Variants in MAF observed in about 807,000 individuals in gnomAD.
MAF encodes the protein transcription factor Maf.
In MAF, 10 loss-of-function variants were observed where a neutral mutation model predicts 22.0. That is an observed-to-expected ratio of 0.45 (90% confidence interval 0.28 to 0.77). The LOEUF (loss-of-function observed/expected upper bound fraction) is 0.77, where lower values mean the gene tolerates loss of function less well. Among genes scored for constraint, MAF ranks in the 30% least tolerant of loss-of-function variants. MAF has a pLI of 0.12. For synonymous variants in MAF, 337 were observed against 255.8 expected, an observed-to-expected ratio of 1.32 and a Z score of -3.03; for missense variants, 544 against 548.4, an observed-to-expected ratio of 0.99 and a Z score of 0.08.
the MAF span, among the ~76,000 whole-genome samples, chr16:79,290,571 A>G: frequency 2.0e-5 from 3 of 150,956 alleles, no homozygotes; most frequent in Non-Finnish European, 4.4e-5. Context: ...GTGTGTGTAC[A>G]TTATCTAATC....
chr16:79,286,155 T>C, the MAF span, among the ~76,000 whole-genome samples: 2 of 152,260 alleles, frequency 1.3e-5, no homozygotes, highest in African/African-American at 4.8e-5. Flanking sequence ...AGTAGCTAGC[T>C]GGTTTTTCTT....
chr16:79,553,220 G>A, the MAF span, among the ~76,000 whole-genome samples: 2 of 152,236 alleles, frequency 1.3e-5, no homozygotes, highest in African/African-American at 4.8e-5. Flanking sequence ...TTTTGAGAAT[G>A]GCAGCCGTTC....
At chr16:79,470,898 G>A in the MAF span, among the ~76,000 whole-genome samples, 1 of 152,206 alleles carries the variant, frequency 6.6e-6, no homozygotes, top group Non-Finnish European at 1.5e-5. Flanking sequence ...AGAACCTGAT[G>A]CAGTGAGAGG....
At chr16:79,276,057 C>T in the MAF span, among the ~76,000 whole-genome samples, 1 of 152,048 alleles carries the variant, frequency 6.6e-6, no homozygotes, top group East Asian at 1.9e-4. Context: ...AGGAGAATCT[C>T]TTGAACCTGG....
the MAF span, among the ~76,000 whole-genome samples, chr16:79,398,503 T>G: frequency 6.6e-6 from 1 of 152,120 alleles, no homozygotes; most frequent in African/African-American, 2.4e-5. Flanking sequence ...AATGAGAAGA[T>G]GGAGGGAGAT....
chr16:79,437,659 C>T, the MAF span, among the ~76,000 whole-genome samples: 4 of 152,036 alleles, frequency 2.6e-5, no homozygotes, highest in East Asian at 1.9e-4. Context: ...CCAGCTTCAC[C>T]GTGGAGGGGA....
the MAF span, among the ~76,000 whole-genome samples, chr16:79,254,680 GATT>G: frequency 6.6e-6 from 1 of 151,976 alleles, no homozygotes; most frequent in African/African-American, 2.4e-5. Flanking sequence ...TCGGTTCCTG[GATT>G]ATTCTCCCAG....
At chr16:79,394,868 T>A in the MAF span, among the ~76,000 whole-genome samples, 1 of 152,128 alleles carries the variant, frequency 6.6e-6, no homozygotes, top group Non-Finnish European at 1.5e-5. Flanking sequence ...ACACACATTA[T>A]AAGTGTACCA....
the MAF span, among the ~76,000 whole-genome samples, chr16:79,364,571 C>G: frequency 6.6e-6 from 1 of 152,172 alleles, no homozygotes; most frequent in East Asian, 1.9e-4. Flanking sequence ...AAACATGGTC[C>G]CTGACAGAGC....
the MAF span, among the ~76,000 whole-genome samples, chr16:79,425,008 G>C: frequency 6.6e-6 from 1 of 152,104 alleles, no homozygotes; most frequent in Non-Finnish European, 1.5e-5. Flanking sequence ...TCTTTGCTTA[G>C]AGAAGGTGAT....
At chr16:79,434,030 G>C in the MAF span, among the ~76,000 whole-genome samples, 2 of 152,298 alleles carry the variant, frequency 1.3e-5, no homozygotes, top group Admixed American at 1.3e-4. Flanking sequence ...GGGCAAGGTA[G>C]TGTGGTAGTG....
At chr16:79,406,641 G>A in the MAF span, among the ~76,000 whole-genome samples, 6 of 152,100 alleles carry the variant, frequency 3.9e-5, no homozygotes, top group African/African-American at 1.4e-4. Flanking sequence ...TCACATTGGG[G>A]GATAGGATTT....
chr16:79,545,962 CTAAT>C, the MAF span, among the ~76,000 whole-genome samples: 18 of 152,030 alleles, frequency 1.2e-4, no homozygotes, highest in African/African-American at 4.1e-4. Flanking sequence ...TTTAATTAAT[CTAAT>C]TAATTAGCTA....
the MAF span, among the ~76,000 whole-genome samples, chr16:79,487,982 T>G: frequency 9.5e-4 from 145 of 152,346 alleles, no homozygotes; most frequent in African/African-American, 3.3e-3. Context: ...TTAGACAGCC[T>G]GTCAATCCAT....
the MAF span, among the ~76,000 whole-genome samples, chr16:79,351,363 G>C: frequency 1.3e-5 from 2 of 152,160 alleles, no homozygotes; most frequent in Non-Finnish European, 2.9e-5. Context: ...AAAATTCTCA[G>C]CACATCTGAA....
chr16:79,462,138 G>C, the MAF span, among the ~76,000 whole-genome samples: 1 of 152,176 alleles, frequency 6.6e-6, no homozygotes, highest in African/African-American at 2.4e-5. Flanking sequence ...GCTTACCTCA[G>C]TTTTGGAAAA....
At chr16:79,490,633 T>A in the MAF span, among the ~76,000 whole-genome samples, 4 of 151,944 alleles carry the variant, frequency 2.6e-5, no homozygotes, top group African/African-American at 7.3e-5. Context: ...CACTCACACA[T>A]GCATAAATAT....
At chr16:79,575,125 A>G in the MAF span, among the ~76,000 whole-genome samples, 72 of 151,886 alleles carry the variant, frequency 4.7e-4, no homozygotes, top group Non-Finnish European at 4.6e-4. Context: ...AAAGTCCCAC[A>G]AACCAGTCTT....
At chr16:79,450,358 C>G in the MAF span, among the ~76,000 whole-genome samples, 1 of 152,158 alleles carries the variant, frequency 6.6e-6, no homozygotes, top group African/African-American at 2.4e-5. Flanking sequence ...CAAAATGCAC[C>G]TGCATTGGAG....
Sources: allele counts gnomAD v4.1 joint callset (sites outside exome capture counted in the v4.1 genomes callset), GRCh38; gene constraint gnomAD v4.1.1; transcripts MANE v1.5; gene names NCBI Gene and HGNC (gene_info 2026-07-23, HGNC 2026-07-21).